Variants in AP1B1 observed in about 807,000 individuals in gnomAD.
The protein encoded by AP1B1 is AP-1 complex subunit beta-1.
Under a neutral mutation model 104.3 loss-of-function variants are expected in AP1B1, and 36 were observed. That is an observed-to-expected ratio of 0.35 (90% confidence interval 0.26 to 0.46). The LOEUF (loss-of-function observed/expected upper bound fraction) is 0.46, where lower values mean the gene tolerates loss of function less well. Among genes scored for constraint, AP1B1 ranks in the 20% least tolerant of loss-of-function variants. AP1B1 has a pLI of 1.00. For missense variants in AP1B1, 901 were observed against 1,247.9 expected (o/e 0.72, Z 4.19); for synonymous variants, 504 against 517.5 (o/e 0.97, Z 0.35).
intron 16 of AP1B1, among the ~76,000 whole-genome samples, chr22:29,338,132 A>T (rs1387421531): frequency 6.6e-6 from 1 of 152,140 alleles, no homozygotes; most frequent in African/African-American, 2.4e-5. Context: ...GGAGTCAGGG[A>T]TGCTGGACAT....
rs1252251405 is a variant in AP1B1 at position 29,341,571 on chromosome 22, T to C, written c.1726A>G (p.Lys576Glu). ...YIGTLASVYH[K>E]PPSAFVEGGR... is the part of the protein sequence containing the mutation. ...CCCTCCACAAAGGCACTGGGAGGCT[T>C]ATGGTAGACGGAAGCCAGCGTGCCG... The change falls in exon 13 of 23, where the codon AAG (lysine) becomes GAG (glutamate). Residue 576 changes from lysine (K) to glutamate (E), a missense_variant. Lys to Glu is a moderately conservative substitution (Grantham distance 56). Around this residue, in one of 3 missense-constraint regions of AP1B1, gnomAD observed 424 missense variants for 494.0 expected, o/e 0.86. Coordinates refer to ENST00000357586, the MANE Select transcript of AP1B1 (RefSeq NM_001127.4). 1 of 1,614,116 alleles carries C rather than the reference T, an allele frequency of 6.2e-7. No individual in the cohort carries two copies. Among genetic ancestry groups the C allele is most frequent in the Admixed American group, 1.7e-5 (1 of 60,028 alleles).
At position 29,330,398 on chromosome 22, in the gene AP1B1, G is replaced by A; in HGVS notation, c.2746C>T (p.Pro916Ser). 1 of 1,613,518 alleles carries A rather than the reference G, an allele frequency of 6.2e-7. No homozygotes were observed. Among genetic ancestry groups the A allele is most frequent in the Non-Finnish European group, 8.5e-7 (1 of 1,179,936 alleles). ...IWVLAELRIQ[P>S]GNPSCTDLEL... Reference sequence around the variant, plus strand: ...CTCACCGTGCAGCTGGGGTTGCCCGGCTGGATCCGCAGCTCCGCCAGCACC... The same window carrying A: ...CTCACCGTGCAGCTGGGGTTGCCCGACTGGATCCGCAGCTCCGCCAGCACC... Residue 916 changes from proline (P) to serine (S), a missense_variant, in exon 21 of 23, where the codon CCG (proline) becomes TCG (serine). Pro to Ser is a moderately conservative substitution (Grantham distance 74). This residue lies in a region of AP1B1 where 424 missense variants were observed against 494.0 expected (regional missense o/e 0.86). Transcript: ENST00000357586.
At chr22:29,365,966 G>A (rs1027501932) in intron 2 of AP1B1, among the ~76,000 whole-genome samples, 1 of 152,142 alleles carries the variant, frequency 6.6e-6, no homozygotes, top group East Asian at 1.9e-4. Flanking sequence ...ACTGCACATG[G>A]TAGGTTCTCA....
Position 29,340,729 on chromosome 22 carries a change from C to T in AP1B1, c.1925G>A (p.Ser642Asn). The T allele has an allele frequency of 6.3e-7, 1 of 1,594,334 alleles. No individual in the cohort carries two copies. The highest frequency in any genetic ancestry group is 1.3e-5 in the African/African-American group (1 of 74,908). The change falls in exon 14 of 23, where the codon AGC (serine) becomes AAC (asparagine). Residue 642 changes from serine (S) to asparagine (N), a missense_variant. Transcript: ENST00000357586. ...LLNLDLGPPV[S>N]GPPLATSSVQ... Reference sequence around the variant, plus strand: ...CGAGGAGGTGGCCAGGGGTGGGCCGCTCACTGGGGGGCCGAGGTCCAGGTT... The same window carrying T: ...CGAGGAGGTGGCCAGGGGTGGGCCGTTCACTGGGGGGCCGAGGTCCAGGTT...
chr22:29,387,279 A>G (rs1394303449), intron 1 of AP1B1, among the ~76,000 whole-genome samples: 1 of 152,048 alleles, frequency 6.6e-6, no homozygotes, highest in African/African-American at 2.4e-5. Flanking sequence ...ACATAAATCC[A>G]AATAAATACA....
intron 1 of AP1B1, among the ~76,000 whole-genome samples, chr22:29,376,129 T>C (rs569896113): frequency 6.6e-6 from 1 of 152,256 alleles, no homozygotes; most frequent in Non-Finnish European, 1.5e-5. Flanking sequence ...AGAGAACAAA[T>C]TCAGAATGCA....
chr22:29,350,273 G>A, intron 9 of AP1B1, 123 bp from the exon 10 acceptor site: 2 of 677,634 alleles, frequency 3.0e-6, no homozygotes, highest in South Asian at 1.7e-5. Context: ...ATCACAGTGG[G>A]AAAACAGGAG....
chr22:29,329,974 T>C, intron 21 of AP1B1: 1 of 1,413,014 alleles, frequency 7.1e-7, no homozygotes, highest in South Asian at 1.5e-5. Context: ...AGGGAAGCCA[T>C]TCTCTAACAG....
At chr22:29,330,892 G>T (rs917141201) in intron 19 of AP1B1, among the ~76,000 whole-genome samples, 183 bp from the exon 20 acceptor site, 1 of 152,176 alleles carries the variant, frequency 6.6e-6, no homozygotes, top group Non-Finnish European at 1.5e-5. Flanking sequence ...GGAGGCCCCA[G>T]TGCCGCTTCC....
At chr22:29,351,440 G>C (rs1289419433) in intron 8 of AP1B1, 174 bp from the exon 9 acceptor site, 1 of 876,808 alleles carries the variant, frequency 1.1e-6, no homozygotes, top group African/African-American at 1.7e-5. Flanking sequence ...AAGAAGGCCT[G>C]GACAACCTTG....
rs965582431 is a variant in AP1B1, at chr22:29,328,219, G to C, written c.*602C>G. ...TGTGGGTCAGCACTCGGGAGGCTGT[G>C]GCCCAACTGGCACAGCTGCAGGGCA... On this transcript the variant is annotated 3_prime_UTR_variant, in exon 23 of 23. Transcript: ENST00000357586. The surrounding 1 kb of genome is among the most constrained non-coding windows in gnomAD (Gnocchi z 4.1). 1 of 153,042 alleles carries C rather than the reference G, an allele frequency of 6.5e-6. No homozygotes were observed. Among genetic ancestry groups the C allele is most frequent in the African/African-American group, 2.4e-5 (1 of 41,462 alleles). The allele number at this position is 153,042 out of a possible 1,614,324, so 9.5% of individuals were successfully genotyped here. A position where few individuals can be genotyped will look rare whatever the true frequency, so the allele number is the denominator to read the frequency against.
intron 7 of AP1B1, among the ~76,000 whole-genome samples, chr22:29,353,743 T>C (rs950748808): frequency 6.6e-6 from 1 of 152,216 alleles, no homozygotes; most frequent in Non-Finnish European, 1.5e-5. Context: ...CCCAGTTCTC[T>C]GTGTAGCCCC....
At chr22:29,361,561 CA>C (rs749725087) in intron 3 of AP1B1, among the ~76,000 whole-genome samples, 7 of 152,124 alleles carry the variant, frequency 4.6e-5, no homozygotes, top group Admixed American at 2.0e-4. Flanking sequence ...ACTGAGAAAA[CA>C]AATCTCAAAA....
chr22:29,378,393 C>T (rs763557275), intron 1 of AP1B1, among the ~76,000 whole-genome samples: 97 of 151,324 alleles, frequency 6.4e-4, no homozygotes, highest in Non-Finnish European at 1.2e-3. Context: ...CCCATCTCTA[C>T]AAAAATACAA....
rs1020567061 is a variant in AP1B1, at chr22:29,380,409, AC to A, written c.-28+8014del. 5.9e-3 allele frequency among the ~76,000 whole-genome samples: 540 copies of A among 91,320 alleles called. 8 individuals are homozygous for A. The highest frequency in any genetic ancestry group is 0.031 in the African/African-American group (507 of 16,262). 59.9% of individuals were successfully genotyped at this position (91,320 alleles called of 152,430 possible). ...CCACATAGCCCAACCTCTCCCCAGAACCCCCGGGCACACATGTCCAAACTGT... is the reference window on the plus strand; with the variant it reads ...CCACATAGCCCAACCTCTCCCCAGAACCCCGGGCACACATGTCCAAACTGT... On this transcript the variant is annotated intron_variant, in intron 1 of 22. Transcript: ENST00000357586.
chr22:29,351,488 T>C (rs1227838189), intron 8 of AP1B1: 1 of 830,958 alleles, frequency 1.2e-6, no homozygotes, highest in Non-Finnish European at 1.9e-6. Flanking sequence ...AACACCACGT[T>C]GTAAGGGATG....
chr22:29,356,988 T>C (rs1341569592), intron 5 of AP1B1, among the ~76,000 whole-genome samples: 1 of 152,104 alleles, frequency 6.6e-6, no homozygotes, highest in Non-Finnish European at 1.5e-5. Context: ...TCGAGGCTAC[T>C]GGGAGTGGAT....
chr22:29,352,526 G>C (rs536058446), intron 7 of AP1B1, among the ~76,000 whole-genome samples: 3 of 152,258 alleles, frequency 2.0e-5, no homozygotes, highest in African/African-American at 7.2e-5. Context: ...GGAGGTACAA[G>C]GAAGCCTCTC....
In AP1B1 at chr22:29,358,802, T is replaced by C. The variant is rs1156310040; in HGVS notation, c.449A>G (p.Asp150Gly). The C allele has an allele frequency of 2.9e-5, 47 of 1,614,090 alleles. No individual in the cohort carries two copies. Among genetic ancestry groups the C allele is most frequent in the Non-Finnish European group, 3.9e-5 (46 of 1,180,026 alleles). Reference sequence around the variant, plus strand: ...GTCCTCCACCAGCTGGGCGTTGATGTCGTGGAGCTTGGCCACGCACACAGC... The same window carrying C: ...GTCCTCCACCAGCTGGGCGTTGATGCCGTGGAGCTTGGCCACGCACACAGC... Reference protein sequence around the residue: ...TAAVCVAKLHDINAQLVEDQG... With the variant: ...TAAVCVAKLHGINAQLVEDQG... The change falls in exon 5 of 23, where the codon GAC becomes GGC. Residue 150 changes from aspartate to glycine, a missense_variant. By Grantham distance (94) the Asp-to-Gly change is moderately conservative. Transcript: ENST00000357586.
Sources: allele counts gnomAD v4.1 joint callset (sites outside exome capture counted in the v4.1 genomes callset), GRCh38; gene constraint gnomAD v4.1.1; regional missense constraint gnomAD v4.1.1; non-coding constraint Gnocchi (gnomAD v3.1); transcripts MANE v1.5; gene names NCBI Gene and HGNC (gene_info 2026-07-23, HGNC 2026-07-21).